The following ABCA9 variants were observed in gnomAD, a reference collection of about 807,000 sequenced individuals.
ABCA9 encodes ATP-binding cassette sub-family A member 9.
A neutral mutation model predicts 205.3 loss-of-function variants in ABCA9; 183 were observed. The observed-to-expected ratio is 0.89, with a 90% CI of 0.79 to 1.01. ABCA9 has a LOEUF of 1.01. Among genes scored for constraint, ABCA9 ranks in the 50% least tolerant of loss-of-function variants. The pLI, the probability that ABCA9 is intolerant of heterozygous loss-of-function variation, is 0.00. For missense variants in ABCA9, 1,805 were observed against 1,912.4 expected (o/e 0.94, Z 1.05); for synonymous variants, 651 against 683.3 (o/e 0.95, Z 0.74).
chr17:68,991,130 G>A (rs1472039915), intron 28 of ABCA9, among the ~76,000 whole-genome samples, 173 bp from the exon 29 acceptor site: 1 of 152,138 alleles, frequency 6.6e-6, no homozygotes, highest in African/African-American at 2.4e-5. Context: ...TTCCTTCAGT[G>A]AGTAGAGTAA....
In ABCA9 at chr17:69,029,865, T is replaced by G. The variant is rs1598393133; in HGVS notation, c.1446-638A>C. Among the ~76,000 whole-genome samples, 10 of 152,212 alleles carry G rather than the reference T, an allele frequency of 6.6e-5. 1 individual carries two copies. In the South Asian group the frequency reaches 2.1e-3, roughly 32 times the overall value. On this transcript the variant is annotated intron_variant, in intron 10 of 38. Transcript: ENST00000340001. ...AGGAGGAAAAAGACCAGGAAAATGA[T>G]TTAAAACAAAGAAAGATTCTTAAAA...
rs370230826 is a variant in ABCA9, at chr17:68,982,642, C to T, written c.4641-1G>A. 2.2e-5 allele frequency: 35 copies of T among 1,613,394 alleles called. No homozygotes were observed. The highest frequency in any genetic ancestry group is 3.3e-5 in the Admixed American group (2 of 59,994). On this transcript the variant is annotated splice_acceptor_variant, in intron 36 of 38. Coordinates refer to ENST00000340001, the MANE Select transcript of ABCA9 (RefSeq NM_080283.4). LOFTEE classifies it high-confidence loss of function. Reference sequence around the variant, plus strand: ...CTTATAGACCATCAGGGAGGAGAACCTGCGAAGAGAAGACAGTGAGGCTGA... The same window carrying T: ...CTTATAGACCATCAGGGAGGAGAACTTGCGAAGAGAAGACAGTGAGGCTGA...
At chr17:68,996,354 C>G (rs750373539) in intron 25 of ABCA9, among the ~76,000 whole-genome samples, 8 of 152,240 alleles carry the variant, frequency 5.3e-5, no homozygotes, top group Middle Eastern at 3.4e-3. Context: ...TCATAGACAT[C>G]CTTTTAGGCT....
intron 16 of ABCA9, 32 bp from the exon 17 acceptor site, chr17:69,024,385 A>G (rs7221250): frequency 0.059 from 89,725 of 1,524,508 alleles, 10,985 homozygotes; most frequent in African/African-American, 0.51. Context: ...AGTTATTTTT[A>G]TCCAACTGTG....
At position 69,027,123 on chromosome 17, in the gene ABCA9, G is replaced by A. The variant is rs771637107; in HGVS notation, c.1912-9C>T. On this transcript the variant is annotated splice_polypyrimidine_tract_variant and intron_variant, in intron 14 of 38. Transcript: ENST00000340001. ...TCATCCAATAGCAAAACCTGGACAG[G>A]AGGAAAGTCCTAAAGTAATTCCACC... The A allele has an allele frequency of 1.2e-6, 2 of 1,613,364 alleles. No individual in the cohort carries two copies. Among genetic ancestry groups the A allele is most frequent in the Non-Finnish European group, 1.7e-6 (2 of 1,179,850 alleles).
intron 6 of ABCA9, among the ~76,000 whole-genome samples, chr17:69,036,222 C>A (rs899866455): frequency 6.6e-6 from 1 of 152,156 alleles, no homozygotes; most frequent in African/African-American, 2.4e-5. Flanking sequence ...ATATTTTCAG[C>A]TTTGCAGGCT....
At chr17:69,010,517 G>A (rs1381475550) in intron 23 of ABCA9, among the ~76,000 whole-genome samples, 1 of 149,718 alleles carries the variant, frequency 6.7e-6, no homozygotes, top group Non-Finnish European at 1.5e-5. Flanking sequence ...GGGAGGGAGG[G>A]CTCTGCCAGA....
At position 68,975,096 on chromosome 17, in the gene ABCA9, A is replaced by G. The variant is rs757677440; in HGVS notation, c.*819T>C. On this transcript the variant is annotated 3_prime_UTR_variant, in exon 39 of 39. Coordinates refer to ENST00000340001, the MANE Select transcript of ABCA9 (RefSeq NM_080283.4). ...TCAATTCCCACTTATGAGTGAGAACATGCGGTGTTTGGTTTTCTGTTCCTG... is the reference window on the plus strand; with the variant it reads ...TCAATTCCCACTTATGAGTGAGAACGTGCGGTGTTTGGTTTTCTGTTCCTG... The G allele has an allele frequency of 1.3e-5, 2 of 152,004 alleles. No individual in the cohort carries two copies. Among genetic ancestry groups the G allele is most frequent in the Non-Finnish European group, 2.9e-5 (2 of 68,032 alleles). 9.4% of individuals were successfully genotyped at this position (152,004 alleles called of 1,614,324 possible). A position where few individuals can be genotyped will look rare whatever the true frequency, so the allele number is the denominator to read the frequency against.
At position 69,011,931 on chromosome 17, in the gene ABCA9, G is replaced by T. The variant is rs755425198; in HGVS notation, c.3147+45C>A. 2.1e-6 allele frequency: 3 copies of T among 1,400,526 alleles called. No individual in the cohort carries two copies. In the South Asian group the frequency reaches 3.8e-5, roughly 18 times the overall value. The allele number at this position is 1,400,526 out of a possible 1,614,324, so 86.8% of individuals were successfully genotyped here. ...TTATAGTCGTAAGGGTGTGGGAAGG[G>T]TTCTCTAGATATAAAAAACATGTGA... On this transcript the variant is annotated intron_variant, in intron 23 of 38. Coordinates refer to ENST00000340001, the MANE Select transcript of ABCA9 (RefSeq NM_080283.4).
At position 69,033,714 on chromosome 17, in the gene ABCA9, G is replaced by C. The variant is rs1251799715; in HGVS notation, c.1276+12C>G. ...TGAAATTGTGTTAAATTACAGCCAT[G>C]TTAGTACTTACCGGGCAAAATTTTG... is the stretch of plus-strand genomic sequence containing the variant. On this transcript the variant is annotated intron_variant, in intron 9 of 38. Coordinates refer to ENST00000340001, the MANE Select transcript of ABCA9 (RefSeq NM_080283.4). 1 of 1,597,316 alleles carries C rather than the reference G, an allele frequency of 6.3e-7. No homozygotes were observed. The highest frequency in any genetic ancestry group is 8.6e-7 in the Non-Finnish European group (1 of 1,168,810).
chr17:68,990,690 C>T (rs1160180305), intron 29 of ABCA9, 147 bp downstream of exon 29: 1 of 891,056 alleles, frequency 1.1e-6, no homozygotes, highest in Non-Finnish European at 1.7e-6. Context: ...CATTTGTGGG[C>T]CTTGCATACC....
intron 25 of ABCA9, among the ~76,000 whole-genome samples, chr17:68,999,266 TCCCTTCC>T (rs1290590271): frequency 2.5e-5 from 3 of 120,916 alleles, no homozygotes; most frequent in African/African-American, 6.3e-5. Flanking sequence ...CCCAATGCTA[TCCCTTCC>T]CCCTCCCCCC....
chr17:69,043,647 AG>A lies in ABCA9; in HGVS notation c.641del (p.Pro214LeufsTer42). 6.2e-7 allele frequency: 1 copy of A among 1,613,814 alleles called. No homozygotes were observed. The highest frequency in any genetic ancestry group is 8.5e-7 in the Non-Finnish European group (1 of 1,179,902). ...TTGCAACTCCTCCTTGGGCAACAAA[AG>A]GTAATATCTTCATATGTACACCAGT... Reference protein sequence around the residue: ...SVTGVHMKILPFVAQGGVATD... With the variant: ...SVTGVHMKILXFVAQGGVATD... On this transcript the variant is annotated frameshift_variant, in exon 6 of 39. Coordinates refer to ENST00000340001, the MANE Select transcript of ABCA9 (RefSeq NM_080283.4). LOFTEE classifies it high-confidence loss of function.
intron 27 of ABCA9, 191 bp downstream of exon 27, chr17:68,992,825 A>AAG: frequency 6.4e-5 from 20 of 311,220 alleles, no homozygotes; most frequent in East Asian, 3.4e-4. Flanking sequence ...AAAAAAAAAA[A>AAG]GGGGGGGGGT....
At chr17:69,049,528 G>T in intron 2 of ABCA9, 38 bp from the exon 3 acceptor site, 2 of 1,483,422 alleles carry the variant, frequency 1.3e-6, no homozygotes, top group Non-Finnish European at 1.9e-6. Flanking sequence ...CAAACTGGTA[G>T]ATGTTATACC....
chr17:69,064,657 G>A (rs1961708037), upstream of ABCA9, among the ~76,000 whole-genome samples: 1 of 152,216 alleles, frequency 6.6e-6, no homozygotes, highest in African/African-American at 2.4e-5. Flanking sequence ...AATAACATAT[G>A]TAAAGTATTG....
intron 36 of ABCA9, among the ~76,000 whole-genome samples, chr17:68,983,114 T>G (rs1226374616): frequency 6.6e-6 from 1 of 152,200 alleles, no homozygotes; most frequent in Admixed American, 6.5e-5. Context: ...AAGTGCTCTT[T>G]GATCAACAAG....
At chr17:69,064,801 A>G (rs2072329139), upstream of ABCA9, among the ~76,000 whole-genome samples, 1 of 152,220 alleles carries the variant, frequency 6.6e-6, no homozygotes, top group African/African-American at 2.4e-5. Context: ...TACCACCTTG[A>G]TAACTTATAT....
chr17:69,026,598 T>G, intron 15 of ABCA9, 131 bp from the exon 16 acceptor site: 355 of 733,436 alleles, frequency 4.8e-4, no homozygotes, highest in Non-Finnish European at 6.6e-4. Context: ...ATTCTGGCCA[T>G]ACGTAAACCA....
Sources: allele counts gnomAD v4.1 joint callset (sites outside exome capture counted in the v4.1 genomes callset), GRCh38; gene constraint gnomAD v4.1.1; transcripts MANE v1.5; gene names NCBI Gene and HGNC (gene_info 2026-07-23, HGNC 2026-07-21).